CYP39A1: variants seen among roughly 807,000 people sequenced by gnomAD.
CYP39A1 encodes cytochrome P450 family 39 subfamily A member 1, also known as 24-hydroxycholesterol 7-alpha-hydroxylase.
A neutral mutation model predicts 58.1 loss-of-function variants in CYP39A1; 49 were observed. The ratio of observed to expected loss-of-function variants is 0.84; its 90% CI spans 0.67 to 1.07. The LOEUF (loss-of-function observed/expected upper bound fraction) is 1.07. Among genes scored for constraint, CYP39A1 ranks in the 50% least tolerant of loss-of-function variants. CYP39A1 has a pLI of 0.00. For missense variants in CYP39A1, 531 were observed against 539.4 expected, an observed-to-expected ratio of 0.98 and a Z score of 0.16; for synonymous variants, 209 against 187.6, an observed-to-expected ratio of 1.11 and a Z score of -0.93.
intron 5 of CYP39A1, among the ~76,000 whole-genome samples, chr6:46,634,333 C>T (rs1489996858): frequency 1.3e-5 from 2 of 152,162 alleles, no homozygotes; most frequent in Non-Finnish European, 2.9e-5. Context: ...CATGTGGAAC[C>T]ATTAAACCTC....
At position 46,642,131 on chromosome 6, in the gene CYP39A1, T is replaced by C. The variant is rs767617701; in HGVS notation, c.313+32A>G. 8.1e-6 allele frequency: 13 copies of C among 1,610,036 alleles called. No individual in the cohort carries two copies. The South Asian group carries it at 8.8e-5, about 11-fold the overall frequency. On this transcript the variant is annotated intron_variant, in intron 2 of 11. Coordinates refer to ENST00000275016, the MANE Select transcript of CYP39A1 (RefSeq NM_016593.5). ...ACTACTCCTGGATTCCAATGTTGGA[T>C]TTCGAATGGACTATCTGAAAATATT...
intron 10 of CYP39A1, among the ~76,000 whole-genome samples, chr6:46,579,534 A>G (rs2150501682): frequency 6.6e-6 from 1 of 152,264 alleles, no homozygotes; most frequent in Non-Finnish European, 1.5e-5. Context: ...GAAAGAAATA[A>G]AAGGCATCCA....
intron 8 of CYP39A1, among the ~76,000 whole-genome samples, chr6:46,590,545 A>G (rs1471498540): frequency 6.6e-6 from 1 of 152,178 alleles, no homozygotes; most frequent in Non-Finnish European, 1.5e-5. Flanking sequence ...TGTGCCGAAA[A>G]AAAATAAAAA....
intron 7 of CYP39A1, among the ~76,000 whole-genome samples, chr6:46,612,899 G>A (rs2150552270): frequency 6.6e-6 from 1 of 152,306 alleles, no homozygotes; most frequent in Non-Finnish European, 1.5e-5. Flanking sequence ...GTTCACTGAA[G>A]GGACTCAGGT....
chr6:46,576,006 A>C (rs1037920772), intron 10 of CYP39A1, among the ~76,000 whole-genome samples: 3 of 152,204 alleles, frequency 2.0e-5, no homozygotes, highest in Non-Finnish European at 4.4e-5. Flanking sequence ...CAGGAAACAT[A>C]GTGGCTTCTG....
intron 10 of CYP39A1, among the ~76,000 whole-genome samples, chr6:46,562,228 G>A (rs1771019037): frequency 1.3e-5 from 2 of 151,876 alleles, no homozygotes; most frequent in South Asian, 4.2e-4. Context: ...TCACCATGTT[G>A]GCCAGGCTGG....
intron 5 of CYP39A1, among the ~76,000 whole-genome samples, chr6:46,631,707 A>G (rs747064226): frequency 2.6e-5 from 4 of 152,216 alleles, no homozygotes; most frequent in Non-Finnish European, 5.9e-5. Context: ...TATTACAAAT[A>G]CCACAATACT....
At chr6:46,553,884 A>T in intron 10 of CYP39A1, 30 bp from the exon 11 acceptor site, 2 of 1,378,616 alleles carry the variant, frequency 1.5e-6, no homozygotes, top group South Asian at 1.2e-5. Flanking sequence ...TTGTTACTTG[A>T]TTGTGAAAGA....
At chr6:46,624,149 G>C (rs980348334) in intron 7 of CYP39A1, among the ~76,000 whole-genome samples, 1 of 152,156 alleles carries the variant, frequency 6.6e-6, no homozygotes, top group Non-Finnish European at 1.5e-5. Context: ...CTTTGGGTCA[G>C]AGAGGACCCC....
intron 8 of CYP39A1, among the ~76,000 whole-genome samples, chr6:46,589,162 C>T (rs1772656562): frequency 6.6e-6 from 1 of 152,054 alleles, no homozygotes; most frequent in South Asian, 2.1e-4. Flanking sequence ...CAATTAAAAA[C>T]ATGTCTTCTG....
At chr6:46,647,054 C>T (rs1159538227) in intron 1 of CYP39A1, among the ~76,000 whole-genome samples, 11 of 151,608 alleles carry the variant, frequency 7.3e-5, no homozygotes, top group Non-Finnish European at 1.5e-5. Context: ...CTGTTCCTTA[C>T]TATTTCCTTC....
intron 10 of CYP39A1, among the ~76,000 whole-genome samples, chr6:46,562,297 A>G (rs1051991945): frequency 1.3e-5 from 2 of 152,038 alleles, no homozygotes; most frequent in African/African-American, 4.8e-5. Flanking sequence ...TGCTGGGATT[A>G]TAGGCATGAG....
intron 10 of CYP39A1, among the ~76,000 whole-genome samples, chr6:46,554,712 C>T (rs1284670717): frequency 6.6e-6 from 1 of 152,152 alleles, no homozygotes; most frequent in Non-Finnish European, 1.5e-5. Context: ...TTTTAGGAAG[C>T]ATAGCCCTTA....
Position 46,639,552 on chromosome 6 carries a change from G to A in CYP39A1, c.430C>T (p.His144Tyr). 1 of 1,614,098 alleles carries A rather than the reference G, an allele frequency of 6.2e-7. No homozygotes were observed. The highest frequency in any genetic ancestry group is 8.5e-7 in the Non-Finnish European group (1 of 1,179,998). The change falls in exon 3 of 12, where the codon CAT (histidine) becomes TAT (tyrosine). Residue 144 changes from histidine to tyrosine, a missense_variant. Physicochemically the swap from His to Tyr is moderately conservative, Grantham distance 83. Transcript: ENST00000275016. The stretch of plus-strand genomic sequence containing the variant: ...GTGCCTAAATTCTCCAGTTGTTCAT[G>A]TAATTCTTCAGTCAGTTGCCCAGTA... ...QFTGQLTEEL[H>Y]EQLENLGTHG...
intron 11 of CYP39A1, among the ~76,000 whole-genome samples, chr6:46,553,073 C>CAAAA (rs34991519): frequency 1.2e-5 from 1 of 81,366 alleles, no homozygotes. Flanking sequence ...ACCCCCCAAC[C>CAAAA]AAAAAAAAAA....
At chr6:46,619,121 C>G (rs540009972) in intron 7 of CYP39A1, among the ~76,000 whole-genome samples, 134 of 152,256 alleles carry the variant, frequency 8.8e-4, no homozygotes, top group Non-Finnish European at 1.1e-3. Context: ...TGGCTCCCAA[C>G]TGACTGACCA....
intron 7 of CYP39A1, among the ~76,000 whole-genome samples, chr6:46,620,915 A>G (rs373029243): frequency 1.0e-3 from 158 of 152,282 alleles, no homozygotes; most frequent in African/African-American, 3.5e-3. Context: ...ACAATCAAAC[A>G]AACAACAAGA....
intron 10 of CYP39A1, among the ~76,000 whole-genome samples, chr6:46,579,241 AAACT>A (rs1771998299): frequency 1.3e-5 from 2 of 152,166 alleles, no homozygotes; most frequent in South Asian, 4.2e-4. Context: ...CTCATAAACT[AAACT>A]AAAAACAAAA....
Position 46,577,828 on chromosome 6 carries a change from G to A in CYP39A1, c.1250+9249C>T, listed in dbSNP as rs73461294. On this transcript the variant is annotated intron_variant, in intron 10 of 11. Transcript: ENST00000275016. The stretch of plus-strand genomic sequence containing the variant: ...GATACTTACATACCACACAATAATA[G>A]TGGGAGACTTTAACAACACACTGAC... Among the ~76,000 whole-genome samples the A allele has an allele frequency of 8.0e-3, 1,218 of 152,172 alleles. 21 individuals are homozygous for A. The highest frequency in any genetic ancestry group is 0.028 in the African/African-American group (1,152 of 41,544).
Sources: allele counts gnomAD v4.1 joint callset (sites outside exome capture counted in the v4.1 genomes callset), GRCh38; gene constraint gnomAD v4.1.1; transcripts MANE v1.5; gene names NCBI Gene and HGNC (gene_info 2026-07-23, HGNC 2026-07-21).